The following MROH9 variants were observed in gnomAD, a reference collection of about 807,000 sequenced individuals.
The protein encoded by MROH9 is maestro heat like repeat family member 9, also known as maestro heat-like repeat-containing protein family member 9.
Under a neutral mutation model 98.2 loss-of-function variants are expected in MROH9, and 92 were observed. That is an observed-to-expected ratio of 0.94 (90% CI 0.79 to 1.11). MROH9 has a LOEUF of 1.11. MROH9 is among the 50% of genes most tolerant of loss of function. MROH9 has a pLI of 0.00. For missense variants in MROH9, 1,057 were observed against 1,014.8 expected (o/e 1.04, Z -0.57); for synonymous variants, 397 against 368.9 (o/e 1.08, Z -0.87).
At chr1:170,977,134 G>A (rs946891942) in intron 8 of MROH9, among the ~76,000 whole-genome samples, 2 of 152,008 alleles carry the variant, frequency 1.3e-5, no homozygotes, top group African/African-American at 4.8e-5. Flanking sequence ...GTCAGCTCCT[G>A]TATCATTTTA....
intron 20 of MROH9, among the ~76,000 whole-genome samples, chr1:171,031,144 T>C (rs1217373966): frequency 6.6e-6 from 1 of 152,192 alleles, no homozygotes; most frequent in Non-Finnish European, 1.5e-5. Context: ...TTGGTAAATT[T>C]TCCTCCATCC....
chr1:170,973,718 A>G (rs760459881), intron 8 of MROH9, among the ~76,000 whole-genome samples: 2 of 152,288 alleles, frequency 1.3e-5, no homozygotes, highest in South Asian at 4.1e-4. Context: ...TCTACTAAAA[A>G]TACAAAATTA....
chr1:171,047,430 G>C (rs140092093), intron 20 of MROH9, among the ~76,000 whole-genome samples: 1 of 152,044 alleles, frequency 6.6e-6, no homozygotes, highest in Non-Finnish European at 1.5e-5. Context: ...GATGAATTCT[G>C]CTATTAAAGT....
At chr1:170,978,141 T>C (rs549520831) in intron 8 of MROH9, among the ~76,000 whole-genome samples, 118 of 152,218 alleles carry the variant, frequency 7.8e-4, no homozygotes, top group African/African-American at 2.7e-3. Context: ...GTTACTGAGA[T>C]TGTTCAGCCA....
chr1:171,055,163 T>C (rs375940352), intron 20 of MROH9, among the ~76,000 whole-genome samples: 1 of 152,110 alleles, frequency 6.6e-6, no homozygotes, highest in South Asian at 2.1e-4. Flanking sequence ...ATATATACTG[T>C]GAAATATTAC....
rs554358154 is a variant in MROH9, at chr1:171,034,988, C to T, written c.2281+9568C>T. On this transcript the variant is annotated intron_variant, in intron 20 of 21. Transcript: ENST00000367759. ...AAAGGTGCAACGACAATTGGAAGTG[C>T]ACAAACAAAAGGACTCCTGACACCC... is the stretch of plus-strand genomic sequence containing the variant. Among the ~76,000 whole-genome samples, 174 of 152,224 alleles carry T rather than the reference C, an allele frequency of 1.1e-3. 1 individual carries two copies. The South Asian group carries it at 0.013, about 12-fold the overall frequency.
chr1:171,052,729 G>A (rs1653709803), intron 20 of MROH9, among the ~76,000 whole-genome samples: 1 of 152,184 alleles, frequency 6.6e-6, no homozygotes, highest in Non-Finnish European at 1.5e-5. Flanking sequence ...CCAAATGCCT[G>A]GAAATGTGCC....
Position 171,058,318 on chromosome 1 carries a change from C to T in MROH9, c.2282-3814C>T, listed in dbSNP as rs934120063. Among the ~76,000 whole-genome samples the T allele has an allele frequency of 1.5e-4, 23 of 149,582 alleles. 1 individual carries two copies. Among genetic ancestry groups the T allele is most frequent in the African/African-American group, 5.4e-4 (22 of 40,374 alleles). On this transcript the variant is annotated intron_variant, in intron 20 of 21. Transcript: ENST00000367759. Reference sequence around the variant, plus strand: ...GGACCTCTTCAAGGAGAATTACAAACCACGGGTCAAGGAAATAAGAGAGGA... The same window carrying T: ...GGACCTCTTCAAGGAGAATTACAAATCACGGGTCAAGGAAATAAGAGAGGA...
At chr1:171,033,315 T>C (rs1300161555) in intron 20 of MROH9, among the ~76,000 whole-genome samples, 1 of 152,260 alleles carries the variant, frequency 6.6e-6, no homozygotes, top group Non-Finnish European at 1.5e-5. Context: ...AGGAGTTCAG[T>C]AATCTTAAGC....
chr1:170,986,694 C>T lies in MROH9; in HGVS notation c.863C>T (p.Ala288Val). 1 of 1,613,596 alleles carries T rather than the reference C, an allele frequency of 6.2e-7. No individual in the cohort carries two copies. The highest frequency in any genetic ancestry group is 8.5e-7 in the Non-Finnish European group (1 of 1,179,748). ...CTGATATTTACTCTGGAATTTCATG[C>T]CGAGAAGGTCACCATGGTAAGATAC... ...SILIFTLEFHAEKVTMVSKIV... is the reference protein window; with the variant it reads ...SILIFTLEFHVEKVTMVSKIV... Residue 288 changes from alanine (A) to valine (V), a missense_variant, in exon 10 of 22, where the codon GCC (alanine) becomes GTC (valine). Transcript: ENST00000367759.
At chr1:170,968,812 C>T (rs897124721) in intron 7 of MROH9, among the ~76,000 whole-genome samples, 8 of 151,792 alleles carry the variant, frequency 5.3e-5, no homozygotes, top group African/African-American at 1.7e-4. Flanking sequence ...GGTACAGATG[C>T]GAAAGACATA....
intron 15 of MROH9, among the ~76,000 whole-genome samples, chr1:171,001,689 C>T (rs1400778380): frequency 4.0e-5 from 6 of 151,686 alleles, no homozygotes; most frequent in African/African-American, 7.3e-5. Context: ...GAAAAAGTTC[C>T]GCTGTTGAAC....
intron 8 of MROH9, among the ~76,000 whole-genome samples, chr1:170,972,440 CTGTTTCTGTCCAGGA>C: frequency 6.6e-6 from 1 of 152,318 alleles, no homozygotes; most frequent in South Asian, 2.1e-4. Context: ...GGCTATGCCT[CTGTTTCTGTCCAGGA>C]TGTAATAACA....
chr1:170,999,617 G>A (rs1029553061), intron 15 of MROH9, among the ~76,000 whole-genome samples: 1 of 152,064 alleles, frequency 6.6e-6, no homozygotes, highest in African/African-American at 2.4e-5. Context: ...TTCAAATTGG[G>A]AATTGTGCTG....
intron 10 of MROH9, among the ~76,000 whole-genome samples, 195 bp downstream of exon 10, chr1:170,986,905 C>A (rs991834780): frequency 2.6e-5 from 4 of 152,270 alleles, no homozygotes; most frequent in Admixed American, 2.6e-4. Flanking sequence ...CGCTGGAGTG[C>A]AGTGGTGAAA....
chr1:171,061,729 C>T (rs1352796248), intron 20 of MROH9, among the ~76,000 whole-genome samples: 4 of 152,110 alleles, frequency 2.6e-5, no homozygotes, highest in African/African-American at 7.2e-5. Context: ...CAAACTATTG[C>T]TACATGAAAG....
At chr1:170,960,918 T>C (rs1289234777) in intron 5 of MROH9, among the ~76,000 whole-genome samples, 1 of 152,200 alleles carries the variant, frequency 6.6e-6, no homozygotes, top group South Asian at 2.1e-4. Flanking sequence ...TGTGTGGCAC[T>C]GTGCCTGGCC....
At chr1:171,039,681 G>C (rs573360592) in intron 20 of MROH9, among the ~76,000 whole-genome samples, 6 of 152,182 alleles carry the variant, frequency 3.9e-5, no homozygotes, top group Admixed American at 3.9e-4. Flanking sequence ...AGAAAAAAAA[G>C]AAATTTGACA....
At chr1:170,991,123 G>C (rs565198163) in intron 11 of MROH9, among the ~76,000 whole-genome samples, 205 of 152,216 alleles carry the variant, frequency 1.3e-3, no homozygotes, top group African/African-American at 4.8e-3. Flanking sequence ...AATAAATCTG[G>C]TACAAGCAAT....
Sources: allele counts gnomAD v4.1 joint callset (sites outside exome capture counted in the v4.1 genomes callset), GRCh38; gene constraint gnomAD v4.1.1; transcripts MANE v1.5; gene names NCBI Gene and HGNC (gene_info 2026-07-23, HGNC 2026-07-21).